THADA: variants seen among roughly 807,000 people sequenced by gnomAD.
THADA encodes THADA armadillo repeat containing.
THADA carries 213 observed loss-of-function variants against 219.8 expected under a neutral mutation model. The ratio of observed to expected loss-of-function variants is 0.97; its 90% CI spans 0.87 to 1.09. The LOEUF (loss-of-function observed/expected upper bound fraction) is 1.09, where lower values mean the gene tolerates loss of function less well. THADA is among the 50% of genes least tolerant of loss of function. THADA has a pLI of 0.00. For missense variants in THADA, 2,956 were observed against 2,311.3 expected, an observed-to-expected ratio of 1.28 and a Z score of -5.72; for synonymous variants, 1,018 against 828.9, an observed-to-expected ratio of 1.23 and a Z score of -3.92.
intron 29 of THADA, among the ~76,000 whole-genome samples, chr2:43,363,155 A>G (rs1669720675): frequency 6.6e-6 from 1 of 152,266 alleles, no homozygotes; most frequent in South Asian, 2.1e-4. Flanking sequence ...AACAATAAAA[A>G]GCATAGTAAA....
chr2:43,293,537 A>C (rs1354842930), intron 31 of THADA, among the ~76,000 whole-genome samples: 1 of 152,182 alleles, frequency 6.6e-6, no homozygotes, highest in African/African-American at 2.4e-5. Flanking sequence ...GACCATGAGA[A>C]GAGGACATCT....
rs978866866 is a variant in THADA, at chr2:43,285,014, C to T, written c.5164+1894G>A. On this transcript the variant is annotated intron_variant, in intron 35 of 37. Coordinates refer to ENST00000405975, the MANE Select transcript of THADA (RefSeq NM_022065.5). The stretch of plus-strand genomic sequence containing the variant: ...CCCATTTGGAATGGGAGCATTTACC[C>T]ACCACCTGTACCCCCATTGTATCTT... Among the ~76,000 whole-genome samples the T allele has an allele frequency of 3.3e-5, 5 of 152,216 alleles. 1 individual carries two copies. Among genetic ancestry groups the T allele is most frequent in the Non-Finnish European group, 5.9e-5 (4 of 68,046 alleles).
intron 14 of THADA, among the ~76,000 whole-genome samples, chr2:43,567,411 C>A (rs558218947): frequency 6.6e-6 from 1 of 152,112 alleles, no homozygotes; most frequent in African/African-American, 2.4e-5. Flanking sequence ...GGGCAGATCA[C>A]CTGAGGTCAG....
At chr2:43,514,670 T>C (rs1691013511) in intron 22 of THADA, among the ~76,000 whole-genome samples, 1 of 88,576 alleles carries the variant, frequency 1.1e-5, no homozygotes, top group South Asian at 3.0e-4. Flanking sequence ...TATAATAATA[T>C]ATAATATATT....
chr2:43,343,418 C>A (rs996580669), intron 30 of THADA: 1 of 152,210 alleles, frequency 6.6e-6, no homozygotes, highest in Non-Finnish European at 1.5e-5. Context: ...TGGAGCTACT[C>A]TGGTGGAACT....
intron 25 of THADA, among the ~76,000 whole-genome samples, chr2:43,492,707 G>A (rs1253526204): frequency 3.3e-5 from 5 of 152,166 alleles, no homozygotes; most frequent in African/African-American, 1.2e-4. Context: ...TGAAAAGACA[G>A]TTAAAACTTT....
chr2:43,232,725 C>G lies in THADA; in HGVS notation c.5454G>C (p.Glu1818Asp), dbSNP rs761999372. Residue 1818 changes from glutamate to aspartate, a missense_variant, in exon 37 of 38, where the codon GAG (glutamate) becomes GAC (aspartate). Transcript: ENST00000405975. ...ACCCCGGGATCACCTGATGCATGCT[C>G]TCCACACAGGCCACGAGGTCATCAC... is the stretch of plus-strand genomic sequence containing the variant. ...GESDDLVACV[E>D]SMHQVEEDYL... 1.2e-6 allele frequency: 2 copies of G among 1,613,958 alleles called. No homozygotes were observed. Among genetic ancestry groups the G allele is most frequent in the South Asian group, 2.2e-5 (2 of 91,060 alleles).
At chr2:43,288,081 T>C (rs1303278625) in intron 34 of THADA, among the ~76,000 whole-genome samples, 2 of 152,230 alleles carry the variant, frequency 1.3e-5, no homozygotes, top group Non-Finnish European at 2.9e-5. Flanking sequence ...ACTGTTTCTA[T>C]CTGATTTAAG....
chr2:43,554,596 A>C (rs148274855), intron 17 of THADA, among the ~76,000 whole-genome samples: 52 of 152,332 alleles, frequency 3.4e-4, no homozygotes, highest in African/African-American at 1.3e-3. Context: ...ATGTAAGATG[A>C]AACCACAATG....
intron 29 of THADA, among the ~76,000 whole-genome samples, chr2:43,344,905 C>T (rs962902772): frequency 6.6e-6 from 1 of 152,220 alleles, no homozygotes; most frequent in East Asian, 1.9e-4. Context: ...ATGACATCCG[C>T]AAAGCCTCTG....
At chr2:43,240,975 T>A (rs1668559321) in intron 36 of THADA, among the ~76,000 whole-genome samples, 1 of 152,196 alleles carries the variant, frequency 6.6e-6, no homozygotes, top group Non-Finnish European at 1.5e-5. Context: ...TCTGCCCTCG[T>A]CCCTGTCTGT....
At chr2:43,267,953 G>C (rs1406587149) in intron 36 of THADA, among the ~76,000 whole-genome samples, 1 of 152,194 alleles carries the variant, frequency 6.6e-6, no homozygotes, top group African/African-American at 2.4e-5. Context: ...CAAGCTGACA[G>C]CCCTGGTTGT....
At chr2:43,531,650 A>T (rs2103752448) in intron 21 of THADA, among the ~76,000 whole-genome samples, 1 of 152,300 alleles carries the variant, frequency 6.6e-6, no homozygotes, top group South Asian at 2.1e-4. Flanking sequence ...ATCAGAAACA[A>T]TTTCAAAATT....
chr2:43,450,092 G>C (rs909569577), intron 26 of THADA, among the ~76,000 whole-genome samples: 5 of 152,056 alleles, frequency 3.3e-5, no homozygotes, highest in African/African-American at 1.2e-4. Flanking sequence ...GAAAAATAAA[G>C]ATCTCAGTAA....
chr2:43,488,237 T>C (rs1457730809), intron 25 of THADA, among the ~76,000 whole-genome samples: 1 of 152,202 alleles, frequency 6.6e-6, no homozygotes, highest in African/African-American at 2.4e-5. Flanking sequence ...TGCTATTCAG[T>C]GGTTTTTGCT....
chr2:43,389,167 G>A (rs1415833434), intron 29 of THADA, among the ~76,000 whole-genome samples: 3 of 152,202 alleles, frequency 2.0e-5, no homozygotes, highest in Admixed American at 6.5e-5. Flanking sequence ...CAGCTAGTAA[G>A]CAGCAGAGCT....
chr2:43,526,475 T>G (rs1439549274), intron 22 of THADA, among the ~76,000 whole-genome samples: 1 of 152,212 alleles, frequency 6.6e-6, no homozygotes, highest in Non-Finnish European at 1.5e-5. Flanking sequence ...GTTTCCTTCT[T>G]TCAACTCATG....
chr2:43,515,110 T>A (rs550927155), intron 22 of THADA, among the ~76,000 whole-genome samples: 1,458 of 10,768 alleles, frequency 0.14, 164 homozygotes, highest in African/African-American at 0.24. Flanking sequence ...TATAATATAT[T>A]TTATATATAA....
chr2:43,269,289 G>A (rs533332446), intron 36 of THADA, among the ~76,000 whole-genome samples: 4 of 152,210 alleles, frequency 2.6e-5, no homozygotes, highest in Non-Finnish European at 5.9e-5. Flanking sequence ...TTCAGAAGCA[G>A]CAAGAGTCAG....
Sources: allele counts gnomAD v4.1 joint callset (sites outside exome capture counted in the v4.1 genomes callset), GRCh38; gene constraint gnomAD v4.1.1; transcripts MANE v1.5; gene names NCBI Gene and HGNC (gene_info 2026-07-23, HGNC 2026-07-21).